Variants in UBAP1L observed in about 807,000 individuals in gnomAD.
UBAP1L encodes the protein ubiquitin associated protein 1 like, also known as ubiquitin-associated protein 1-like.
In UBAP1L, 32 loss-of-function variants were observed where a neutral mutation model predicts 32.1. The observed-to-expected ratio is 1.00, with a 90% CI of 0.75 to 1.34. UBAP1L has a LOEUF of 1.34. Ranked by LOEUF, UBAP1L falls within the 40% of genes most tolerant of loss-of-function variation. The probability of loss-of-function intolerance (pLI) is 0.00; values close to 1 mark genes in which losing one functional copy is unlikely to be tolerated. For missense variants in UBAP1L, 516 were observed against 540.5 expected (o/e 0.95, Z 0.45); for synonymous variants, 243 against 250.2 (o/e 0.97, Z 0.27).
intron 5 of UBAP1L, 63 bp from the exon 6 acceptor site, chr15:65,093,294 A>G: frequency 4.1e-6 from 6 of 1,463,554 alleles, no homozygotes; most frequent in Non-Finnish European, 5.4e-6. Flanking sequence ...AGCCATGGGG[A>G]GCCCCAGCTC....
In UBAP1L at chr15:65,099,727, C is replaced by G. The variant is rs975043492; in HGVS notation, c.700-13G>C. 113 of 1,538,668 alleles carry G rather than the reference C, an allele frequency of 7.3e-5. No homozygotes were observed. Among genetic ancestry groups the G allele is most frequent in the Non-Finnish European group, 9.7e-5 (111 of 1,138,842 alleles). On this transcript the variant is annotated splice_polypyrimidine_tract_variant and intron_variant, in intron 3 of 5. Transcript: ENST00000559089. The stretch of plus-strand genomic sequence containing the variant: ...ACGGGCTGAGGGACTGAAATACAGA[C>G]AGACTGGACATGTCAGTTACTACAG...
Position 65,102,261 on chromosome 15 carries a change from G to A in UBAP1L, c.544C>T (p.Arg182Cys), listed in dbSNP as rs1373501317. ...RALLHGLRGHRALSLCPSPAQ... is the reference protein window; with the variant it reads ...RALLHGLRGHCALSLCPSPAQ... ...GGGCTCGGGCACAGGCTCAGCGCGC[G>A]GTGGCCGCGGAGGCCATGCAGGAGG... Residue 182 changes from arginine to cysteine, a missense_variant, in exon 3 of 6, where the codon CGC (arginine) becomes TGC (cysteine). By Grantham distance (180) the Arg-to-Cys change is radical (BLOSUM62 -3). Transcript: ENST00000559089. The surrounding 1 kb of genome is among the most constrained non-coding windows in gnomAD (Gnocchi z 5.0). 9 of 1,311,028 alleles carry A rather than the reference G, an allele frequency of 6.9e-6. No individual in the cohort carries two copies. The highest frequency in any genetic ancestry group is 4.3e-5 in the Admixed American group (1 of 23,450). The allele number at this position is 1,311,028 out of a possible 1,614,324, so 81.2% of individuals were successfully genotyped here.
chr15:65,102,693 A>C lies in UBAP1L; in HGVS notation c.121-9T>G, dbSNP rs1371746750. On this transcript the variant is annotated splice_polypyrimidine_tract_variant and intron_variant, in intron 2 of 5. Transcript: ENST00000559089. This position sits in a 1 kb window ranked among gnomAD's most constrained non-coding sequence, Gnocchi z 5.0. ...TCCAGGCTGAAGTCGTGCTGCGGAA[A>C]GAAGGCGACGTAAAGCCCAGGGCAA... is the stretch of plus-strand genomic sequence containing the variant. The C allele has an allele frequency of 2.6e-6, 4 of 1,544,502 alleles. No individual in the cohort carries two copies. The highest frequency in any genetic ancestry group is 2.7e-5 in the African/African-American group (2 of 72,898).
At chr15:65,104,526 A>T (rs1336140373) in intron 2 of UBAP1L, among the ~76,000 whole-genome samples, 1 of 152,188 alleles carries the variant, frequency 6.6e-6, no homozygotes, top group African/African-American at 2.4e-5. Context: ...TATTATAGGG[A>T]TTTAGTAACT....
chr15:65,093,108 A>T lies in UBAP1L; in HGVS notation c.1135T>A (p.Cys379Ser). 1 of 1,548,180 alleles carries T rather than the reference A, an allele frequency of 6.5e-7. No homozygotes were observed. The highest frequency in any genetic ancestry group is 8.7e-7 in the Non-Finnish European group (1 of 1,146,298). ...GAGTGCCTCCGTGGTCACTGGGCAC[A>T]GGCCACCAGCTCCTCCAGGGCTTGC... The part of the protein sequence containing the change: ...REQALEELVA[C>S]AQ Residue 379 changes from cysteine (C) to serine (S), a missense_variant, in exon 6 of 6, where the codon TGT becomes AGT. Physicochemically the swap from Cys to Ser is moderately radical, Grantham distance 112 (BLOSUM62 -1). Coordinates refer to ENST00000559089, the MANE Select transcript of UBAP1L (RefSeq NM_001163692.2).
At chr15:65,100,235 ACT>A (rs1239275773) in intron 3 of UBAP1L, 2 of 125,572 alleles carry the variant, frequency 1.6e-5, no homozygotes, top group Non-Finnish European at 3.4e-5. Context: ...TAACAGCCAA[ACT>A]CTGTCTCAAA....
Position 65,102,609 on chromosome 15 carries a change from C to T in UBAP1L, c.196G>A (p.Gly66Ser), listed in dbSNP as rs997752042. The change falls in exon 3 of 6, where the codon GGT becomes AGT. Residue 66 changes from glycine (G) to serine (S), a missense_variant. Gly to Ser is a moderately conservative substitution (Grantham distance 56, BLOSUM62 0). Transcript: ENST00000559089. The surrounding 1 kb of genome is among the most constrained non-coding windows in gnomAD (Gnocchi z 5.0). ...GGGGCTGACGCTGTCCCCGGGTCAC[C>T]GCACTGGTACGGGCTGGGTCCCTGG... ...AGQGPSPYQC[G>S]DPGTASAPPA... 1 of 1,549,422 alleles carries T rather than the reference C, an allele frequency of 6.5e-7. No homozygotes were observed. The highest frequency in any genetic ancestry group is 8.7e-7 in the Non-Finnish European group (1 of 1,146,678).
chr15:65,096,525 T>C (rs1464350715), intron 4 of UBAP1L: 1 of 152,254 alleles, frequency 6.6e-6, no homozygotes, highest in African/African-American at 2.4e-5. Context: ...GAGTCTGCAT[T>C]TGCAAAGGTT....
rs1325016623 is a variant in UBAP1L at position 65,102,699 on chromosome 15, C to T, written c.121-15G>A. 4 of 1,542,682 alleles carry T rather than the reference C, an allele frequency of 2.6e-6. No individual in the cohort carries two copies. The highest frequency in any genetic ancestry group is 2.4e-5 in the South Asian group (2 of 83,940). On this transcript the variant is annotated splice_polypyrimidine_tract_variant and intron_variant, in intron 2 of 5. Transcript: ENST00000559089. This position sits in a 1 kb window ranked among gnomAD's most constrained non-coding sequence, Gnocchi z 5.0. ...CTGAAGTCGTGCTGCGGAAAGAAGG[C>T]GACGTAAAGCCCAGGGCAAACCAGG... is the stretch of plus-strand genomic sequence containing the variant.
At position 65,106,375 on chromosome 15, in the gene UBAP1L, T is replaced by A; in HGVS notation, c.-160A>T. ...CCCCAAACAGCTGGAAAGGAAAAGGTGAGGGGGCCAGTGCTGCATAAAGGA... is the reference window on the plus strand; with the variant it reads ...CCCCAAACAGCTGGAAAGGAAAAGGAGAGGGGGCCAGTGCTGCATAAAGGA... On this transcript the variant is annotated 5_prime_UTR_variant, in exon 2 of 6. Transcript: ENST00000559089. 1 of 761,400 alleles carries A rather than the reference T, an allele frequency of 1.3e-6. No individual in the cohort carries two copies. The highest frequency in any genetic ancestry group is 2.0e-6 in the Non-Finnish European group (1 of 508,388). 47.2% of individuals were successfully genotyped at this position (761,400 alleles called of 1,614,324 possible). A position where few individuals can be genotyped will look rare whatever the true frequency, so the allele number is the denominator to read the frequency against.
At position 65,094,301 on chromosome 15, in the gene UBAP1L, T is replaced by C. The variant is rs1353092323; in HGVS notation, c.1011+174A>G. On this transcript the variant is annotated intron_variant, in intron 5 of 5. Transcript: ENST00000559089. The surrounding 1 kb of genome is among the most constrained non-coding windows in gnomAD (Gnocchi z 4.2). Reference sequence around the variant, plus strand: ...GTGCCTCTCACCTTTGTCCCTGCTGTAGCTCCCTGGGCCATCTCCTCCTCA... The same window carrying C: ...GTGCCTCTCACCTTTGTCCCTGCTGCAGCTCCCTGGGCCATCTCCTCCTCA... Among the ~76,000 whole-genome samples, 1 of 152,172 alleles carries C rather than the reference T, an allele frequency of 6.6e-6. No homozygotes were observed. The highest frequency in any genetic ancestry group is 1.5e-5 in the Non-Finnish European group (1 of 68,030).
At chr15:65,107,152 TATAATTATATA>T (rs1442539745) in intron 1 of UBAP1L, among the ~76,000 whole-genome samples, 1 of 152,034 alleles carries the variant, frequency 6.6e-6, no homozygotes, top group Non-Finnish European at 1.5e-5. Context: ...TGAAAAATTA[TATAATTATATA>T]GCTTCATAGA....
intron 1 of UBAP1L, among the ~76,000 whole-genome samples, chr15:65,114,183 CTTTTT>C (rs75250904): frequency 7.2e-6 from 1 of 138,018 alleles, no homozygotes; most frequent in South Asian, 2.3e-4. Flanking sequence ...CGCGCCCAGC[CTTTTT>C]TTTTTTTTTT....
At chr15:65,114,928 T>C (rs1209813680) in intron 1 of UBAP1L, among the ~76,000 whole-genome samples, 1 of 152,212 alleles carries the variant, frequency 6.6e-6, no homozygotes, top group Non-Finnish European at 1.5e-5. Context: ...AACTACTATG[T>C]GGATTCACAA....
chr15:65,113,654 G>A (rs899886941), intron 1 of UBAP1L, among the ~76,000 whole-genome samples: 7 of 152,088 alleles, frequency 4.6e-5, no homozygotes, highest in African/African-American at 9.7e-5. Context: ...AGACTGAGAC[G>A]AGAGAACTGC....
chr15:65,102,420 G>T lies in UBAP1L; in HGVS notation c.385C>A (p.Gln129Lys). 1 of 1,427,178 alleles carries T rather than the reference G, an allele frequency of 7.0e-7. No homozygotes were observed. The allele number at this position is 1,427,178 out of a possible 1,614,324, so 88.4% of individuals were successfully genotyped here. Reference protein sequence around the residue: ...SEEEPAPSSLQPGSPASPGPG... With the variant: ...SEEEPAPSSLKPGSPASPGPG... ...CCGGGGCTCGCCGGGGAGCCCGGTT[G>T]GAGGCTGCTGGGGGCCGGCTCTTCC... The change falls in exon 3 of 6, where the codon CAA (glutamine) becomes AAA (lysine). Residue 129 changes from glutamine (Q) to lysine (K), a missense_variant. Physicochemically the swap from Gln to Lys is moderately conservative, Grantham distance 53. Transcript: ENST00000559089. The surrounding 1 kb of genome is among the most constrained non-coding windows in gnomAD (Gnocchi z 5.0).
chr15:65,111,492 T>C (rs907845611), intron 1 of UBAP1L, among the ~76,000 whole-genome samples: 1 of 152,206 alleles, frequency 6.6e-6, no homozygotes, highest in African/African-American at 2.4e-5. Flanking sequence ...TCTATTTTTT[T>C]CTTTTTTGAG....
chr15:65,106,048 G>A, intron 2 of UBAP1L, 48 bp downstream of exon 2: 1 of 1,548,140 alleles, frequency 6.5e-7, no homozygotes, highest in Non-Finnish European at 8.7e-7. Context: ...CATGGACTCA[G>A]CCCCAGACCC....
At chr15:65,101,962 G>C in intron 3 of UBAP1L, 144 bp downstream of exon 3, 1 of 348,660 alleles carries the variant, frequency 2.9e-6, no homozygotes, top group Non-Finnish European at 5.1e-6. Context: ...GGACAACACG[G>C]TACAGGCCCA....
Sources: allele counts gnomAD v4.1 joint callset (sites outside exome capture counted in the v4.1 genomes callset), GRCh38; gene constraint gnomAD v4.1.1; non-coding constraint Gnocchi (gnomAD v3.1); transcripts MANE v1.5; gene names NCBI Gene and HGNC (gene_info 2026-07-23, HGNC 2026-07-21).